Variants in ST6GALNAC3 observed in about 807,000 individuals in gnomAD.
ST6GALNAC3 encodes the protein ST6 N-acetylgalactosaminide alpha-2,6-sialyltransferase 3, also known as alpha-N-acetylgalactosaminide alpha-2,6-sialyltransferase 3.
In ST6GALNAC3, 25 loss-of-function variants were observed where a neutral mutation model predicts 32.7. The observed-to-expected ratio is 0.76, with a 90% confidence interval of 0.56 to 1.07. The LOEUF (loss-of-function observed/expected upper bound fraction) is 1.07. Among genes scored for constraint, ST6GALNAC3 ranks in the 50% least tolerant of loss-of-function variants. The pLI is 0.00. For synonymous variants in ST6GALNAC3, 129 were observed against 133.1 expected, an observed-to-expected ratio of 0.97 and a Z score of 0.21; for missense variants, 355 against 382.4, an observed-to-expected ratio of 0.93 and a Z score of 0.60.
intron 3 of ST6GALNAC3, among the ~76,000 whole-genome samples, chr1:76,535,131 G>A (rs1663517574): frequency 6.6e-6 from 1 of 152,112 alleles, no homozygotes; most frequent in South Asian, 2.1e-4. Context: ...GGAAAGAGAT[G>A]AGAAAACATC....
At chr1:76,296,720 C>T (rs1660426917) in intron 1 of ST6GALNAC3, among the ~76,000 whole-genome samples, 1 of 152,036 alleles carries the variant, frequency 6.6e-6, no homozygotes, top group Non-Finnish European at 1.5e-5. Context: ...GCAACCAAAA[C>T]AGACACAGTT....
At chr1:76,510,368 G>A (rs1163815145) in intron 3 of ST6GALNAC3, among the ~76,000 whole-genome samples, 4 of 151,106 alleles carry the variant, frequency 2.6e-5, no homozygotes, top group African/African-American at 9.9e-5. Context: ...GTGCCAGGTG[G>A]GTGCTAGGAA....
At chr1:76,519,746 C>G (rs1331057897) in intron 3 of ST6GALNAC3, among the ~76,000 whole-genome samples, 3 of 151,518 alleles carry the variant, frequency 2.0e-5, no homozygotes, top group African/African-American at 7.3e-5. Flanking sequence ...TTTTATTATT[C>G]TAGTTTCAAC....
chr1:76,630,038 A>G lies in ST6GALNAC3; in HGVS notation c.*1232A>G. 1 of 985,210 alleles carries G rather than the reference A, an allele frequency of 1.0e-6. No individual in the cohort carries two copies. The highest frequency in any genetic ancestry group is 1.2e-6 in the Non-Finnish European group (1 of 829,830). 61.0% of individuals were successfully genotyped at this position (985,210 alleles called of 1,614,324 possible). ...GCTTTGTCATTTAGAGTCCTTTAAC[A>G]TCTGTTATACCATGTGATGCCCTTG... On this transcript the variant is annotated 3_prime_UTR_variant, in exon 5 of 5. Coordinates refer to ENST00000328299, the MANE Select transcript of ST6GALNAC3 (RefSeq NM_152996.4).
chr1:76,437,579 T>C (rs941569536), intron 3 of ST6GALNAC3, among the ~76,000 whole-genome samples: 2 of 93,922 alleles, frequency 2.1e-5, no homozygotes, highest in South Asian at 6.2e-4. Context: ...CTTTTTTTTT[T>C]CTCTTTTTTT....
At position 76,464,992 on chromosome 1, in the gene ST6GALNAC3, T is replaced by A. The variant is rs574427345; in HGVS notation, c.623+52575T>A. 1.2e-4 allele frequency among the ~76,000 whole-genome samples: 17 copies of A among 146,954 alleles called. No homozygotes were observed. The South Asian group carries it at 3.3e-3, about 29-fold the overall frequency. On this transcript the variant is annotated intron_variant, in intron 3 of 4. Coordinates refer to ENST00000328299, the MANE Select transcript of ST6GALNAC3 (RefSeq NM_152996.4). ...TTAAGATTATTAAAACTTCAAACTT[T>A]CTTTTTTCAAAATCAGGCGTTCTAT...
chr1:76,561,565 C>T (rs2100431217), intron 3 of ST6GALNAC3, among the ~76,000 whole-genome samples: 1 of 152,144 alleles, frequency 6.6e-6, no homozygotes, highest in Non-Finnish European at 1.5e-5. Flanking sequence ...AATCAAACCA[C>T]AATGAGATAC....
chr1:76,379,477 T>C (rs10782616), intron 2 of ST6GALNAC3, among the ~76,000 whole-genome samples: 150,091 of 152,260 alleles, frequency 0.99, 74,021 homozygotes, highest in Middle Eastern at 1. Context: ...ATTGAGAACA[T>C]TTGCAGCTGA....
intron 3 of ST6GALNAC3, among the ~76,000 whole-genome samples, chr1:76,439,286 A>G (rs1260037196): frequency 6.6e-6 from 1 of 152,222 alleles, no homozygotes; most frequent in Non-Finnish European, 1.5e-5. Context: ...TGCAGTGGAG[A>G]GTCTTTGCCA....
intron 2 of ST6GALNAC3, among the ~76,000 whole-genome samples, chr1:76,325,497 G>T (rs114306227): frequency 0.013 from 1,966 of 151,912 alleles, 48 homozygotes; most frequent in African/African-American, 0.045. Flanking sequence ...AGGAAGAAAA[G>T]GTAGAAAGTA....
intron 2 of ST6GALNAC3, among the ~76,000 whole-genome samples, chr1:76,381,053 A>G (rs60616887): frequency 0.056 from 8,531 of 151,808 alleles, 293 homozygotes; most frequent in Middle Eastern, 0.099. Flanking sequence ...CTGTTTATCT[A>G]TCTAGTTAAC....
At chr1:76,120,296 G>C (rs1325069956) in intron 1 of ST6GALNAC3, among the ~76,000 whole-genome samples, 5 of 152,174 alleles carry the variant, frequency 3.3e-5, no homozygotes, top group Non-Finnish European at 7.3e-5. Flanking sequence ...GAGTGATCTC[G>C]TGTTTCCTTG....
intron 3 of ST6GALNAC3, among the ~76,000 whole-genome samples, chr1:76,521,384 G>A (rs1199543871): frequency 6.6e-6 from 1 of 151,932 alleles, no homozygotes; most frequent in Non-Finnish European, 1.5e-5. Flanking sequence ...GAGAAAGGGA[G>A]GGAGATTGAT....
At chr1:76,432,613 C>G (rs1655843512) in intron 3 of ST6GALNAC3, among the ~76,000 whole-genome samples, 2 of 151,744 alleles carry the variant, frequency 1.3e-5, no homozygotes, top group Non-Finnish European at 2.9e-5. Flanking sequence ...TGCCACCATG[C>G]CTGGCTAATT....
chr1:76,597,629 C>T (rs1647159026), intron 3 of ST6GALNAC3, among the ~76,000 whole-genome samples: 1 of 152,018 alleles, frequency 6.6e-6, no homozygotes, highest in Admixed American at 6.6e-5. Flanking sequence ...GTTGCAAAGT[C>T]AATGATAGTC....
chr1:76,381,162 G>A (rs1353686921), intron 2 of ST6GALNAC3, among the ~76,000 whole-genome samples: 2 of 132,738 alleles, frequency 1.5e-5, no homozygotes, highest in Non-Finnish European at 3.1e-5. Flanking sequence ...AAATAGTTTG[G>A]GCTGCTAAAA....
intron 1 of ST6GALNAC3, among the ~76,000 whole-genome samples, chr1:76,147,102 T>C (rs1372103537): frequency 1.3e-5 from 2 of 149,316 alleles, no homozygotes; most frequent in Non-Finnish European, 3.0e-5. Flanking sequence ...TCACTCTGTC[T>C]CCCAGGCTGG....
chr1:76,449,770 G>A (rs9437445), intron 3 of ST6GALNAC3, among the ~76,000 whole-genome samples: 127,289 of 152,200 alleles, frequency 0.84, 53,578 homozygotes, highest in African/African-American at 0.9. Context: ...TTTGTGTAAC[G>A]GTCTTTTGTC....
At chr1:76,151,767 C>CG (rs957630846) in intron 1 of ST6GALNAC3, among the ~76,000 whole-genome samples, 4 of 152,162 alleles carry the variant, frequency 2.6e-5, no homozygotes, top group African/African-American at 9.6e-5. Context: ...TGAGGGAAAA[C>CG]GGGTGGGGCA....
Sources: gnomAD v4.1 joint callset for allele counts (sites outside exome capture counted in the v4.1 genomes callset) on GRCh38, gnomAD v4.1.1 for gene constraint, MANE v1.5 for transcripts, NCBI Gene and HGNC (gene_info 2026-07-23, HGNC 2026-07-21) for gene names.